BMP6: variants seen among roughly 807,000 people sequenced by gnomAD.
The protein encoded by BMP6 is bone morphogenetic protein 6, also known as VG-1-R.
BMP6 carries 17 observed loss-of-function variants against 54.1 expected under a neutral mutation model. The observed-to-expected ratio is 0.31, with a 90% CI of 0.22 to 0.47. The LOEUF is 0.47. BMP6 is among the 20% of genes least tolerant of loss of function. The pLI, the probability that BMP6 is intolerant of heterozygous loss-of-function variation, is 1.00. For synonymous variants in BMP6, 328 were observed against 291.2 expected (o/e 1.13, Z -1.28); for missense variants, 720 against 690.4 (o/e 1.04, Z -0.48).
Position 7,726,921 on chromosome 6 carries a change from C to A in BMP6, c.-35C>A, listed in dbSNP as rs1353695080. On this transcript the variant is annotated 5_prime_UTR_variant, in exon 1 of 7. Transcript: ENST00000283147. ...GGCCTCGCTCCGCCGCTCCACGCCT[C>A]GCGGGATCCGCGGGGGCAGCCCGGC... 1.2e-5 allele frequency: 14 copies of A among 1,125,274 alleles called. No homozygotes were observed. The highest frequency in any genetic ancestry group is 1.3e-5 in the Non-Finnish European group (12 of 919,156). 69.7% of individuals were successfully genotyped at this position (1,125,274 alleles called of 1,614,324 possible).
chr6:7,844,372 G>A (rs560352372), intron 1 of BMP6, among the ~76,000 whole-genome samples: 1 of 147,168 alleles, frequency 6.8e-6, no homozygotes, highest in Non-Finnish European at 1.5e-5. Context: ...TGTAAACCAT[G>A]AGAAAATAGC....
intron 1 of BMP6, among the ~76,000 whole-genome samples, chr6:7,777,930 A>G (rs1260571358): frequency 6.6e-6 from 1 of 152,134 alleles, no homozygotes; most frequent in Non-Finnish European, 1.5e-5. Flanking sequence ...GGCTTAAGGA[A>G]TAGTGATGGC....
chr6:7,804,611 C>G lies in BMP6; in HGVS notation c.665-40529C>G, dbSNP rs116340098. On this transcript the variant is annotated intron_variant, in intron 1 of 6. Transcript: ENST00000283147. ...TAATGCTGGAAGTCTTTTTCTCTTT[C>G]CCTATGAATGGAAAATTCATTCATT... 4.6e-3 allele frequency among the ~76,000 whole-genome samples: 693 copies of G among 152,280 alleles called. 12 individuals carry two copies. The highest frequency in any genetic ancestry group is 0.016 in the African/African-American group (649 of 41,552).
At chr6:7,838,667 G>A (rs1758915033) in intron 1 of BMP6, among the ~76,000 whole-genome samples, 1 of 152,150 alleles carries the variant, frequency 6.6e-6, no homozygotes, top group African/African-American at 2.4e-5. Context: ...AGCTGGCTGG[G>A]CGCGGTGGCT....
At chr6:7,792,845 GA>G (rs1324265364) in intron 1 of BMP6, among the ~76,000 whole-genome samples, 6 of 152,216 alleles carry the variant, frequency 3.9e-5, no homozygotes, top group Non-Finnish European at 2.9e-5. Context: ...GGAAACCAAA[GA>G]CAAGATGAAC....
chr6:7,856,120 T>TAAAAAAAAAAAAAAAAA (rs56264814), intron 2 of BMP6, among the ~76,000 whole-genome samples: 7 of 83,650 alleles, frequency 8.4e-5, no homozygotes, highest in Non-Finnish European at 1.3e-4. Context: ...TCAAAGACTG[T>TAAAAAAAAAAAAAAAAA]AAAAAAAAAA....
At chr6:7,732,066 T>A (rs1761869375) in intron 1 of BMP6, among the ~76,000 whole-genome samples, 1 of 152,138 alleles carries the variant, frequency 6.6e-6, no homozygotes, top group African/African-American at 2.4e-5. Flanking sequence ...AGAAGAAAAA[T>A]GGAATACTCC....
intron 1 of BMP6, among the ~76,000 whole-genome samples, chr6:7,841,849 C>T (rs1758975659): frequency 1.3e-5 from 2 of 152,174 alleles, no homozygotes; most frequent in South Asian, 4.1e-4. Context: ...GGAAAATCCA[C>T]ATATGAGGCA....
intron 1 of BMP6, among the ~76,000 whole-genome samples, chr6:7,822,895 GGTTGTGTGTGTGTGTGTGTGTGTGT>G (rs144917005): frequency 0.14 from 20,492 of 144,134 alleles, 1,499 homozygotes; most frequent in African/African-American, 0.19. Context: ...GATTGGTGCT[GGTTGTGTGTGTGTGTGTGTGTGTGT>G]GTGTGTGTGT....
intron 1 of BMP6, among the ~76,000 whole-genome samples, chr6:7,747,063 TAAG>T (rs898445193): frequency 8.5e-5 from 13 of 152,150 alleles, no homozygotes; most frequent in South Asian, 2.1e-4. Flanking sequence ...GCCTGGCTCT[TAAG>T]AAAGTTTTAT....
At chr6:7,731,146 A>G (rs1761849272) in intron 1 of BMP6, among the ~76,000 whole-genome samples, 1 of 152,200 alleles carries the variant, frequency 6.6e-6, no homozygotes, top group Non-Finnish European at 1.5e-5. Flanking sequence ...TCTAAATGCT[A>G]ACCGTCTGCT....
At chr6:7,768,530 T>C (rs915649989) in intron 1 of BMP6, among the ~76,000 whole-genome samples, 7 of 152,214 alleles carry the variant, frequency 4.6e-5, no homozygotes, top group Non-Finnish European at 1.0e-4. Context: ...TCTTCTGGTA[T>C]TTGCCACCTG....
At chr6:7,734,095 G>A (rs926125186) in intron 1 of BMP6, among the ~76,000 whole-genome samples, 1 of 152,144 alleles carries the variant, frequency 6.6e-6, no homozygotes, top group Non-Finnish European at 1.5e-5. Context: ...ATGTGAATAT[G>A]TAGTATTTCA....
At chr6:7,772,254 G>A (rs775702633) in intron 1 of BMP6, among the ~76,000 whole-genome samples, 1 of 152,104 alleles carries the variant, frequency 6.6e-6, no homozygotes, top group African/African-American at 2.4e-5. Flanking sequence ...GACACCCTGT[G>A]TCTTCTTGTC....
At chr6:7,798,747 C>T (rs984821432) in intron 1 of BMP6, among the ~76,000 whole-genome samples, 1 of 152,158 alleles carries the variant, frequency 6.6e-6, no homozygotes, top group African/African-American at 2.4e-5. Flanking sequence ...CAAAATAATC[C>T]TTGCCACCAC....
chr6:7,843,238 C>G (rs1256871224), intron 1 of BMP6, among the ~76,000 whole-genome samples: 7 of 151,338 alleles, frequency 4.6e-5, no homozygotes, highest in African/African-American at 1.7e-4. Context: ...TTTACAGAAG[C>G]CAAAGCTTAT....
chr6:7,813,138 TATATATATATAA>T (rs1758464132), intron 1 of BMP6, among the ~76,000 whole-genome samples: 1 of 90,324 alleles, frequency 1.1e-5, no homozygotes, highest in African/African-American at 4.7e-5. Flanking sequence ...TATATATATA[TATATATATATAA>T]AATTAGTGGG....
chr6:7,811,198 G>A (rs1316546582), intron 1 of BMP6, among the ~76,000 whole-genome samples: 3 of 152,206 alleles, frequency 2.0e-5, no homozygotes, highest in African/African-American at 7.2e-5. Flanking sequence ...ACCTGTCACT[G>A]TGTCACAGGC....
intron 1 of BMP6, among the ~76,000 whole-genome samples, chr6:7,816,165 T>C (rs1054492943): frequency 7.2e-5 from 11 of 152,250 alleles, no homozygotes; most frequent in Non-Finnish European, 1.0e-4. Context: ...CTTGTGTGTG[T>C]ACTTACACCA....
Sources: allele counts gnomAD v4.1 joint callset (sites outside exome capture counted in the v4.1 genomes callset), GRCh38; gene constraint gnomAD v4.1.1; transcripts MANE v1.5; gene names NCBI Gene and HGNC (gene_info 2026-07-23, HGNC 2026-07-21).